The following BAZ1A variants were observed in gnomAD, a reference collection of about 807,000 sequenced individuals.
BAZ1A encodes the protein bromodomain adjacent to zinc finger domain protein 1A.
A neutral mutation model predicts 185.2 loss-of-function variants in BAZ1A; 50 were observed. The ratio of observed to expected loss-of-function variants is 0.27; its 90% confidence interval spans 0.22 to 0.34. BAZ1A has a LOEUF of 0.34. Ranked by LOEUF, BAZ1A falls within the 10% of genes least tolerant of loss-of-function variation. BAZ1A has a pLI of 1.00. For missense variants in BAZ1A, 1,356 were observed against 1,839.9 expected, an observed-to-expected ratio of 0.74 and a Z score of 4.81; for synonymous variants, 571 against 615.6, an observed-to-expected ratio of 0.93 and a Z score of 1.07.
rs528609674 is a variant in BAZ1A, at chr14:34,763,873, T to C, written c.3776+834A>G. On this transcript the variant is annotated intron_variant, in intron 23 of 26. Coordinates refer to ENST00000360310, the MANE Select transcript of BAZ1A (RefSeq NM_013448.3). ...TGCCCTGGGAAACCAAAAAAATTTGTAACTTGCTTTATTGCTGTGGTCTGG... is the reference window on the plus strand; with the variant it reads ...TGCCCTGGGAAACCAAAAAAATTTGCAACTTGCTTTATTGCTGTGGTCTGG... Among the ~76,000 whole-genome samples, 6 of 152,328 alleles carry C rather than the reference T, an allele frequency of 3.9e-5. No homozygotes were observed. The South Asian group carries it at 8.3e-4, about 21-fold the overall frequency.
intron 2 of BAZ1A, among the ~76,000 whole-genome samples, chr14:34,873,153 C>G (rs978755037): frequency 6.6e-6 from 1 of 152,084 alleles, no homozygotes; most frequent in African/African-American, 2.4e-5. Flanking sequence ...AATAAATGCT[C>G]AAAGGAACTT....
chr14:34,797,192 A>G (rs1255745985), intron 9 of BAZ1A, among the ~76,000 whole-genome samples: 1 of 152,246 alleles, frequency 6.6e-6, no homozygotes, highest in Non-Finnish European at 1.5e-5. Context: ...AAAAAAGCAT[A>G]TAAAACTTTA....
At position 34,874,566 on chromosome 14, in the gene BAZ1A, C is replaced by T. The variant is rs2043010668; in HGVS notation, c.39G>A (p.Lys13=). The T allele has an allele frequency of 1.2e-6, 2 of 1,611,198 alleles. No homozygotes were observed. Among genetic ancestry groups the T allele is most frequent in the African/African-American group, 1.3e-5 (1 of 74,454 alleles). Residue 13 remains lysine, a synonymous_variant, in exon 2 of 27, where the codon AAG becomes AAA. Transcript: ENST00000360310. This position sits in a 1 kb window ranked among gnomAD's most constrained non-coding sequence, Gnocchi z 4.7. Reference sequence around the variant, plus strand: ...CGTCGGGCCGCAGGTCCGCGGGCGGCTTCTGTCTCACAAACGGCTTTCGGT... The same window carrying T: ...CGTCGGGCCGCAGGTCCGCGGGCGGTTTCTGTCTCACAAACGGCTTTCGGT... The part of the protein sequence containing the change: ...LLHRKPFVRQ[K]PPADLRPDEE...
Position 34,776,126 on chromosome 14 carries a change from G to C in BAZ1A, c.2626C>G (p.Arg876Gly). 9 of 1,614,182 alleles carry C rather than the reference G, an allele frequency of 5.6e-6. No homozygotes were observed. The highest frequency in any genetic ancestry group is 5.9e-6 in the Non-Finnish European group (7 of 1,180,024). Reference sequence around the variant, plus strand: ...TTTGGCAGCTGCACAGAATGGTCACGTGGACCTTGGTCAATGTTGGAGGTA... The same window carrying C: ...TTTGGCAGCTGCACAGAATGGTCACCTGGACCTTGGTCAATGTTGGAGGTA... ...ESTSNIDQGP[R>G]DHSVQLPKPV... is the part of the protein sequence containing the mutation. The change falls in exon 18 of 27, where the codon CGT becomes GGT. Residue 876 changes from arginine to glycine, a missense_variant. Coordinates refer to ENST00000360310, the MANE Select transcript of BAZ1A (RefSeq NM_013448.3).
rs778161937 is a variant in BAZ1A at position 34,753,427 on chromosome 14, T to G, written c.*81A>C. Reference sequence around the variant, plus strand: ...CTTTCATGTGGTCAATCAATTGTTATTGCTTTATACAGCATGATTTAATGT... The same window carrying G: ...CTTTCATGTGGTCAATCAATTGTTAGTGCTTTATACAGCATGATTTAATGT... On this transcript the variant is annotated 3_prime_UTR_variant, in exon 27 of 27. Transcript: ENST00000360310. 8.2e-7 allele frequency: 1 copy of G among 1,214,672 alleles called. No homozygotes were observed. Among genetic ancestry groups the G allele is most frequent in the Non-Finnish European group, 1.2e-6 (1 of 855,528 alleles). 75.2% of individuals were successfully genotyped at this position (1,214,672 alleles called of 1,614,324 possible).
At position 34,844,777 on chromosome 14, in the gene BAZ1A, G is replaced by GCACACACACACA. The variant is rs4007479; in HGVS notation, c.392+17255_392+17266dup. Among the ~76,000 whole-genome samples, 5 of 86,804 alleles carry GCACACACACACA rather than the reference G, an allele frequency of 5.8e-5. No individual in the cohort carries two copies. In the East Asian group the frequency reaches 7.9e-4, roughly 14 times the overall value. 56.9% of individuals were successfully genotyped at this position (86,804 alleles called of 152,430 possible). ...TGTCTAAACACACACACACACACGC[G>GCACACACACACA]CACACACACACACACACACACACAC... On this transcript the variant is annotated intron_variant, in intron 3 of 26. Coordinates refer to ENST00000360310, the MANE Select transcript of BAZ1A (RefSeq NM_013448.3).
In BAZ1A at chr14:34,765,263, T is replaced by G. The variant is rs1485350073; in HGVS notation, c.3307A>C (p.Ser1103Arg). Residue 1103 changes from serine (S) to arginine (R), a missense_variant, in exon 22 of 27, where the codon AGT becomes CGT. Ser to Arg is a moderately radical substitution (Grantham distance 110). Around this residue, in one of 7 missense-constraint regions of BAZ1A, gnomAD observed 434 missense variants for 561.7 expected, o/e 0.77. Coordinates refer to ENST00000360310, the MANE Select transcript of BAZ1A (RefSeq NM_013448.3). ...GTTTTATAAGAACGCCCACTGTCAC[T>G]GGCATCTTAAATGAAAAGGGAAAGT... ...RRFLKAPLDA[S>R]DSGRSYKTVL... The G allele has an allele frequency of 6.2e-7, 1 of 1,611,724 alleles. No homozygotes were observed. The highest frequency in any genetic ancestry group is 1.3e-5 in the African/African-American group (1 of 74,808).
intron 3 of BAZ1A, among the ~76,000 whole-genome samples, chr14:34,860,124 GT>G (rs960047308): frequency 6.6e-6 from 1 of 152,078 alleles, no homozygotes; most frequent in African/African-American, 2.4e-5. Flanking sequence ...GAGTTCCATA[GT>G]TTTTTTGTTT....
intron 3 of BAZ1A, among the ~76,000 whole-genome samples, chr14:34,842,968 G>GA (rs149191721): frequency 0.025 from 3,663 of 146,390 alleles, 54 homozygotes; most frequent in Non-Finnish European, 0.041. Context: ...GAATTTACGG[G>GA]AAAAAAAAAA....
chr14:34,827,577 T>C (rs1383752772), intron 3 of BAZ1A, among the ~76,000 whole-genome samples: 1 of 151,758 alleles, frequency 6.6e-6, no homozygotes, highest in Admixed American at 6.6e-5. Context: ...CTACTAAAAA[T>C]ACAAAAAATT....
chr14:34,810,717 G>A (rs78602497), intron 5 of BAZ1A, among the ~76,000 whole-genome samples: 2,879 of 151,996 alleles, frequency 0.019, 37 homozygotes, highest in South Asian at 0.039. Flanking sequence ...GGCTTGGCCT[G>A]TCAAAGTGCT....
At chr14:34,872,913 TAAA>T (rs35955993) in intron 2 of BAZ1A, among the ~76,000 whole-genome samples, 817 of 76,120 alleles carry the variant, frequency 0.011, 10 homozygotes, top group African/African-American at 0.051. Flanking sequence ...TTTAAAATCC[TAAA>T]AAAAAAAAAA....
At chr14:34,872,941 A>AAAAAAT in intron 2 of BAZ1A, among the ~76,000 whole-genome samples, 1 of 122,680 alleles carries the variant, frequency 8.2e-6, no homozygotes, top group East Asian at 2.2e-4. Flanking sequence ...AAAAAAAAAA[A>AAAAAAT]CTTGTCCAAT....
At chr14:34,795,172 A>G (rs1249933445) in intron 10 of BAZ1A, among the ~76,000 whole-genome samples, 4 of 152,214 alleles carry the variant, frequency 2.6e-5, no homozygotes, top group African/African-American at 4.8e-5. Flanking sequence ...ATTTCTGACT[A>G]TATTTCCTAG....
At chr14:34,852,051 C>T (rs576563591) in intron 3 of BAZ1A, among the ~76,000 whole-genome samples, 1 of 151,662 alleles carries the variant, frequency 6.6e-6, no homozygotes, top group South Asian at 2.1e-4. Flanking sequence ...GGTGTGAACC[C>T]GGGAGATGGA....
chr14:34,753,108 T>G lies in BAZ1A; in HGVS notation c.*400A>C, dbSNP rs1167428790. On this transcript the variant is annotated 3_prime_UTR_variant, in exon 27 of 27. Transcript: ENST00000360310. ...AACAATTAATTAAGACATAAACACC[T>G]TTTCTAAACTGTGCTATAGCGGAAG... The G allele has an allele frequency of 6.2e-6, 1 of 161,038 alleles. No homozygotes were observed. Among genetic ancestry groups the G allele is most frequent in the Admixed American group, 6.3e-5 (1 of 15,936 alleles). The allele number at this position is 161,038 out of a possible 1,614,324, so 10.0% of individuals were successfully genotyped here.
intron 3 of BAZ1A, among the ~76,000 whole-genome samples, chr14:34,849,044 A>C (rs2042558640): frequency 6.6e-6 from 1 of 152,186 alleles, no homozygotes; most frequent in African/African-American, 2.4e-5. Flanking sequence ...CACACTTATA[A>C]TCCCAGCACT....
At chr14:34,822,122 C>T (rs951015745) in intron 4 of BAZ1A, among the ~76,000 whole-genome samples, 2 of 151,982 alleles carry the variant, frequency 1.3e-5, no homozygotes, top group African/African-American at 4.8e-5. Flanking sequence ...TGGCAAAACC[C>T]TGTCTCTACT....
Position 34,862,049 on chromosome 14 carries a change from A to AC in BAZ1A, c.386dup (p.Ala130CysfsTer6). On this transcript the variant is annotated frameshift_variant, in exon 3 of 27. Transcript: ENST00000360310. LOFTEE classifies it high-confidence loss of function. ...AAAAATTAAAAGTACTTTACCTTGC[A>AC]CCATTGTTCCTAATGACTTCCACAG... 4.3e-6 allele frequency: 7 copies of AC among 1,613,564 alleles called. No individual in the cohort carries two copies. Among genetic ancestry groups the AC allele is most frequent in the Non-Finnish European group, 5.9e-6 (7 of 1,179,564 alleles).
Sources: allele counts gnomAD v4.1 joint callset (sites outside exome capture counted in the v4.1 genomes callset), GRCh38; gene constraint gnomAD v4.1.1; regional missense constraint gnomAD v4.1.1; non-coding constraint Gnocchi (gnomAD v3.1); transcripts MANE v1.5; gene names NCBI Gene and HGNC (gene_info 2026-07-23, HGNC 2026-07-21).